STEEP1: variants seen among roughly 807,000 people sequenced by gnomAD.
The protein encoded by STEEP1 is STING ER exit protein.
STEEP1 carries 3 observed loss-of-function variants against 19.2 expected under a neutral mutation model. The observed-to-expected ratio is 0.16, with a 90% CI of 0.07 to 0.40. The LOEUF is 0.40. Ranked by LOEUF, STEEP1 falls within the 10% of genes least tolerant of loss-of-function variation. The probability of loss-of-function intolerance (pLI) is 0.99; values close to 1 mark genes in which losing one functional copy is unlikely to be tolerated. For missense variants in STEEP1, 54 were observed against 177.1 expected (o/e 0.30, Z 3.94); for synonymous variants, 46 against 63.7 (o/e 0.72, Z 1.32).
At chrX:119,542,055 CTTTTTTTT>C (rs201339708) in intron 5 of STEEP1, among the ~76,000 whole-genome samples, 7 of 82,923 alleles carry the variant, frequency 8.4e-5, no homozygotes, top group African/African-American at 2.0e-4. Context: ...CTTTTCTTTT[CTTTTTTTT>C]TTTTTTTTTT....
chrX:119,551,150 T>G (rs1176067000), intron 2 of STEEP1, among the ~76,000 whole-genome samples: 1 of 111,154 alleles, frequency 9.0e-6, no homozygotes, highest in African/African-American at 3.3e-5. Flanking sequence ...TAACATAGAA[T>G]TCTTACAACT....
At chrX:119,556,159 T>C (rs1428206633) in intron 2 of STEEP1, among the ~76,000 whole-genome samples, 1 of 111,145 alleles carries the variant, frequency 9.0e-6, no homozygotes. Flanking sequence ...TAAAAAAGGC[T>C]TGAAGTCACC....
intron 2 of STEEP1, among the ~76,000 whole-genome samples, chrX:119,545,888 C>T (rs2053200628): frequency 2.7e-5 from 2 of 72,833 alleles, no homozygotes; most frequent in African/African-American, 5.5e-5. Context: ...AGTGAAACTC[C>T]GTCTCAAAAA....
At chrX:119,548,751 A>G (rs1008684874) in intron 2 of STEEP1, among the ~76,000 whole-genome samples, 2 of 111,196 alleles carry the variant, frequency 1.8e-5, no homozygotes, top group East Asian at 2.8e-4. Flanking sequence ...TCTCAAAGAG[A>G]TATGTGCACT....
intron 2 of STEEP1, among the ~76,000 whole-genome samples, chrX:119,548,519 T>A (rs1181653509): frequency 1.6e-5 from 1 of 62,582 alleles, no homozygotes; most frequent in African/African-American, 7.3e-5. Context: ...GGTGACAGAG[T>A]AAGACTCTGT....
chrX:119,549,430 T>C (rs1303274970), intron 2 of STEEP1, among the ~76,000 whole-genome samples: 9 of 111,938 alleles, frequency 8.0e-5, no homozygotes, highest in African/African-American at 2.3e-4. Context: ...ATCATTTCAA[T>C]AGACACATAG....
intron 2 of STEEP1, among the ~76,000 whole-genome samples, chrX:119,559,231 G>A (rs1197948431): frequency 9.2e-6 from 1 of 109,006 alleles, no homozygotes; most frequent in Non-Finnish European, 1.9e-5. Flanking sequence ...AAAAAAAAAC[G>A]GAGATGGCTC....
At chrX:119,546,884 C>T (rs865914320) in intron 2 of STEEP1, among the ~76,000 whole-genome samples, 2 of 111,821 alleles carry the variant, frequency 1.8e-5, no homozygotes, top group Admixed American at 9.7e-5. Context: ...CTGTAACAAA[C>T]GGTCCTGACT....
intron 2 of STEEP1, among the ~76,000 whole-genome samples, chrX:119,558,331 G>A (rs775522986): frequency 9.0e-5 from 10 of 110,665 alleles, no homozygotes; most frequent in Non-Finnish European, 1.7e-4. Flanking sequence ...TCAGGAGATC[G>A]AGGCCATCCT....
At chrX:119,555,418 G>A (rs2053272492) in intron 2 of STEEP1, among the ~76,000 whole-genome samples, 1 of 110,412 alleles carries the variant, frequency 9.1e-6, no homozygotes, top group African/African-American at 3.3e-5. Flanking sequence ...TAATGGATTG[G>A]GCTAGACTCC....
intron 6 of STEEP1, among the ~76,000 whole-genome samples, chrX:119,540,050 CA>C (rs1366744977): frequency 9.0e-6 from 1 of 111,718 alleles, no homozygotes; most frequent in Admixed American, 9.6e-5. Flanking sequence ...GGGATTCCAG[CA>C]GCCCCAGCGC....
In STEEP1 at chrX:119,539,736, C is replaced by T. The variant is rs1355548922; in HGVS notation, c.660G>A (p.Gln220=). 8.3e-7 allele frequency: 1 copy of T among 1,208,005 alleles called. No homozygotes were observed. The highest frequency in any genetic ancestry group is 1.7e-5 in the African/African-American group (1 of 57,549). The part of the protein sequence containing the change: ...AKMKGTLIDN[Q]FK ...TTAGAAAAAGGCCTGGTTATTTGAA[C>T]TGGTTGTCAATCAAGGTCCCCTTCA... The change falls in exon 7 of 7, where the codon CAG becomes CAA. Residue 220 remains glutamine, a synonymous_variant. Transcript: ENST00000644802.
chrX:119,559,764 AG>A (rs1373927505), intron 2 of STEEP1, among the ~76,000 whole-genome samples: 1 of 112,455 alleles, frequency 8.9e-6, no homozygotes, highest in Non-Finnish European at 1.9e-5. Context: ...ATGGCAATGG[AG>A]GGGCCGGGCA....
In STEEP1 at chrX:119,560,383, A is replaced by T. The variant is rs1328982944; in HGVS notation, c.127T>A (p.Cys43Ser). ...LCGQMVLVLD[C>S]QLEKLPMRPR... ...CTCATGGGCAATTTCTCTAACTGGCAGTCTGAAGGAATGGAGAGATTTGGT... is the reference window on the plus strand; with the variant it reads ...CTCATGGGCAATTTCTCTAACTGGCTGTCTGAAGGAATGGAGAGATTTGGT... The change falls in exon 2 of 7, where the codon TGC (cysteine) becomes AGC (serine). Residue 43 changes from cysteine to serine, a missense_variant and splice_region_variant. Cys to Ser is a moderately radical substitution (Grantham distance 112). Coordinates refer to ENST00000644802, the MANE Select transcript of STEEP1 (RefSeq NM_022101.4). 3 of 1,178,326 alleles carry T rather than the reference A, an allele frequency of 2.5e-6. No homozygotes were observed. The highest frequency in any genetic ancestry group is 3.5e-6 in the Non-Finnish European group (3 of 866,105).
At chrX:119,556,440 G>A (rs756523957) in intron 2 of STEEP1, among the ~76,000 whole-genome samples, 6 of 110,139 alleles carry the variant, frequency 5.4e-5, no homozygotes, top group African/African-American at 1.3e-4. Context: ...AAAATTAGCC[G>A]GGCGTGGTTG....
At chrX:119,548,284 C>T (rs2053219482) in intron 2 of STEEP1, among the ~76,000 whole-genome samples, 1 of 111,295 alleles carries the variant, frequency 9.0e-6, no homozygotes, top group African/African-American at 3.3e-5. Context: ...CCTGTAATCC[C>T]AGCACTGTGG....
chrX:119,545,503 G>A lies in STEEP1; in HGVS notation c.244C>T (p.Pro82Ser), dbSNP rs764570781. 1 of 1,159,187 alleles carries A rather than the reference G, an allele frequency of 8.6e-7. No individual in the cohort carries two copies. Among genetic ancestry groups the A allele is most frequent in the East Asian group, 3.0e-5 (1 of 33,343 alleles). The change falls in exon 3 of 7, where the codon CCT (proline) becomes TCT (serine). Residue 82 changes from proline (P) to serine (S), a missense_variant and splice_region_variant. By Grantham distance (74) the Pro-to-Ser change is moderately conservative (BLOSUM62 -1). This residue lies in a region of STEEP1 where 47 missense variants were observed against 118.5 expected (regional missense o/e 0.40). Transcript: ENST00000644802. The stretch of plus-strand genomic sequence containing the variant: ...CTGTACTGTCGTTCAATGCCTTCAG[G>A]TCTGCACAGAAAATGGAAGTTAAAA... ...EDEETMYLRRPEGIERQYRKK... is the reference protein window; with the variant it reads ...EDEETMYLRRSEGIERQYRKK...
Position 119,540,793 on chromosome X carries a change from C to T in STEEP1, c.606+535G>A, listed in dbSNP as rs373479907. On this transcript the variant is annotated intron_variant, in intron 6 of 6. Coordinates refer to ENST00000644802, the MANE Select transcript of STEEP1 (RefSeq NM_022101.4). ...TGGCGTGGTGGCTCACGCCTGAAAT[C>T]CCAGTACTTTGGGAGCCCGAGGCGG... 5.3e-5 allele frequency among the ~76,000 whole-genome samples: 6 copies of T among 112,421 alleles called. No homozygotes were observed. In the East Asian group the frequency reaches 1.4e-3, roughly 26 times the overall value.
At chrX:119,564,246 C>T (rs1180518411) in intron 1 of STEEP1, among the ~76,000 whole-genome samples, 4 of 111,618 alleles carry the variant, frequency 3.6e-5, no homozygotes, top group Non-Finnish European at 7.5e-5. Flanking sequence ...CCTGTAATCC[C>T]AGCACCTTGG....
Sources: gnomAD v4.1 joint callset for allele counts (sites outside exome capture counted in the v4.1 genomes callset) on GRCh38, gnomAD v4.1.1 for gene constraint, gnomAD v4.1.1 regional missense constraint, MANE v1.5 for transcripts, NCBI Gene and HGNC (gene_info 2026-07-23, HGNC 2026-07-21) for gene names.